The following NPVF variants were observed in gnomAD, a reference collection of about 807,000 sequenced individuals.
NPVF encodes pro-FMRFamide-related neuropeptide VF.
NPVF carries 17 observed loss-of-function variants against 15.7 expected under a neutral mutation model. That is an observed-to-expected ratio of 1.08 (90% CI 0.74 to 1.62). The LOEUF (loss-of-function observed/expected upper bound fraction) is 1.62, where lower values mean the gene tolerates loss of function less well. NPVF is among the 40% of genes most tolerant of loss of function. The pLI is 0.00. For synonymous variants in NPVF, 70 were observed against 80.1 expected, an observed-to-expected ratio of 0.87 and a Z score of 0.67; for missense variants, 270 against 225.2, an observed-to-expected ratio of 1.20 and a Z score of -1.27.
intron 2 of NPVF, 35 bp downstream of exon 2, chr7:25,226,591 T>A: frequency 1.3e-6 from 2 of 1,599,654 alleles, no homozygotes; most frequent in African/African-American, 1.3e-5. Flanking sequence ...TCTATATAAC[T>A]GCCCATGCAC....
At position 25,226,935 on chromosome 7, in the gene NPVF, G is replaced by T. The variant is rs369012619; in HGVS notation, c.230C>A (p.Ala77Glu). The stretch of plus-strand genomic sequence containing the variant: ...GAAGGAGTGTGGCATTTTATTGACT[G>T]CAGGTGTACTCATCTTAATAACATT... Reference protein sequence around the residue: ...PKNVIKMSTPAVNKMPHSFAN... With the variant: ...PKNVIKMSTPEVNKMPHSFAN... Residue 77 changes from alanine to glutamate, a missense_variant, in exon 2 of 3, where the codon GCA (alanine) becomes GAA (glutamate). Physicochemically the swap from Ala to Glu is moderately radical, Grantham distance 107 (BLOSUM62 -1). Coordinates refer to ENST00000222674, the MANE Select transcript of NPVF (RefSeq NM_022150.3). 5.0e-6 allele frequency: 8 copies of T among 1,612,274 alleles called. No individual in the cohort carries two copies. The highest frequency in any genetic ancestry group is 5.9e-6 in the Non-Finnish European group (7 of 1,179,544).
At position 25,226,970 on chromosome 7, in the gene NPVF, C is replaced by T; in HGVS notation, c.195G>A (p.Trp65Ter). ...TCATCTTAATAACATTTTTTGGTCC[C>T]CAATCTTTTAATTCCTCAAAATTGA... Reference protein sequence around the residue: ...RSLNFEELKDWGPKNVIKMST... With the variant: ...RSLNFEELKD Residue 65 changes from tryptophan to a stop codon, truncating the protein, a stop_gained, in exon 2 of 3, where the codon TGG becomes TGA. Transcript: ENST00000222674. LOFTEE classifies it high-confidence loss of function. 1 of 1,613,936 alleles carries T rather than the reference C, an allele frequency of 6.2e-7. No individual in the cohort carries two copies. The highest frequency in any genetic ancestry group is 8.5e-7 in the Non-Finnish European group (1 of 1,179,952).
intron 1 of NPVF, 114 bp from the exon 2 acceptor site, chr7:25,227,140 A>G: frequency 1.0e-6 from 1 of 974,010 alleles, no homozygotes; most frequent in Non-Finnish European, 1.5e-6. Context: ...AGCTATAAAC[A>G]AAGTTTGTGT....
chr7:25,224,984 T>C lies in NPVF; in HGVS notation c.*138A>G. ...TTTTACAACTTTCAAGATACTATTATAGCTGTACTGACAAGGAAAAATTGC... is the reference window on the plus strand; with the variant it reads ...TTTTACAACTTTCAAGATACTATTACAGCTGTACTGACAAGGAAAAATTGC... On this transcript the variant is annotated 3_prime_UTR_variant, in exon 3 of 3. Transcript: ENST00000222674. The C allele has an allele frequency of 1.5e-6, 1 of 646,400 alleles. No individual in the cohort carries two copies. Among genetic ancestry groups the C allele is most frequent in the Non-Finnish European group, 2.7e-6 (1 of 364,632 alleles). 40.0% of individuals were successfully genotyped at this position (646,400 alleles called of 1,614,324 possible). A position where few individuals can be genotyped will look rare whatever the true frequency, so the allele number is the denominator to read the frequency against.
rs1031602325 is a variant in NPVF at position 25,224,861 on chromosome 7, C to T, written c.*261G>A. 4.6e-6 allele frequency: 2 copies of T among 438,754 alleles called. No homozygotes were observed. The highest frequency in any genetic ancestry group is 4.1e-5 in the African/African-American group (2 of 48,574). The allele number at this position is 438,754 out of a possible 1,614,324, so 27.2% of individuals were successfully genotyped here. On this transcript the variant is annotated 3_prime_UTR_variant, in exon 3 of 3. Coordinates refer to ENST00000222674, the MANE Select transcript of NPVF (RefSeq NM_022150.3). ...GGGTAGTGAGGAGGGTCCTCTGTCT[C>T]TCTCTCCATTATCAGAGATTTCTAA...
Position 25,226,851 on chromosome 7 carries a change from G to T in NPVF, c.314C>A (p.Thr105Lys). Residue 105 changes from threonine to lysine, a missense_variant, in exon 2 of 3, where the codon ACA becomes AAA. By Grantham distance (78) the Thr-to-Lys change is moderately conservative. Coordinates refer to ENST00000222674, the MANE Select transcript of NPVF (RefSeq NM_022150.3). ...NVQEERSAGA[T>K]ANLPLRSGRN... ...TCCAGATCTCAGAGGCAGGTTGGCT[G>T]TTGCTCCAGCACTTCTTTCTTCTTG... is the stretch of plus-strand genomic sequence containing the variant. The T allele has an allele frequency of 6.2e-7, 1 of 1,614,206 alleles. No homozygotes were observed. Among genetic ancestry groups the T allele is most frequent in the Admixed American group, 1.7e-5 (1 of 60,028 alleles).
Position 25,224,857 on chromosome 7 carries a change from G to C in NPVF, c.*265C>G, listed in dbSNP as rs1173634320. ...TATAGGGTAGTGAGGAGGGTCCTCT[G>C]TCTCTCTCTCCATTATCAGAGATTT... On this transcript the variant is annotated 3_prime_UTR_variant, in exon 3 of 3. Transcript: ENST00000222674. 9.3e-6 allele frequency: 4 copies of C among 430,144 alleles called. No individual in the cohort carries two copies. The highest frequency in any genetic ancestry group is 1.2e-5 in the Non-Finnish European group (3 of 245,932). The allele number at this position is 430,144 out of a possible 1,614,324, so 26.6% of individuals were successfully genotyped here.
At chr7:25,225,213 AC>A in intron 2 of NPVF, 40 bp from the exon 3 acceptor site, 1 of 1,506,834 alleles carries the variant, frequency 6.6e-7, no homozygotes, top group Non-Finnish European at 9.2e-7. Flanking sequence ...ACCCATCAGA[AC>A]AACAGCATGC....
At position 25,228,014 on chromosome 7, in the gene NPVF, C is replaced by G. The variant is rs537251744; in HGVS notation, c.138+288G>C. Among the ~76,000 whole-genome samples, 280 of 152,214 alleles carry G rather than the reference C, an allele frequency of 1.8e-3. 1 individual carries two copies. The highest frequency in any genetic ancestry group is 3.4e-3 in the Middle Eastern group (1 of 294). ...AAATGTACCCAAATCTTATTTCTGC[C>G]AACCATTTATTACAAATATGCACTT... On this transcript the variant is annotated intron_variant, in intron 1 of 2. Coordinates refer to ENST00000222674, the MANE Select transcript of NPVF (RefSeq NM_022150.3).
In NPVF at chr7:25,225,074, C is replaced by A. The variant is rs199708914; in HGVS notation, c.*48G>T. ...CTTCCGTGTGGTCTTCGCTATAGAG[C>A]CATTTGTAGATTACAGGCCACAGCT... On this transcript the variant is annotated 3_prime_UTR_variant, in exon 3 of 3. Coordinates refer to ENST00000222674, the MANE Select transcript of NPVF (RefSeq NM_022150.3). The A allele has an allele frequency of 2.0e-5, 30 of 1,533,412 alleles. No individual in the cohort carries two copies. The highest frequency in any genetic ancestry group is 1.7e-4 in the Middle Eastern group (1 of 5,878). 95.0% of individuals were successfully genotyped at this position (1,533,412 alleles called of 1,614,324 possible).
intron 2 of NPVF, among the ~76,000 whole-genome samples, chr7:25,226,201 A>G (rs1783125765): frequency 6.6e-6 from 1 of 152,210 alleles, no homozygotes; most frequent in Non-Finnish European, 1.5e-5. Flanking sequence ...ATAAAAGAAA[A>G]CACTTTGATT....
In NPVF at chr7:25,226,728, T is replaced by C. The variant is rs1276788662; in HGVS notation, c.437A>G (p.Asp146Gly). 1 of 1,614,200 alleles carries C rather than the reference T, an allele frequency of 6.2e-7. No individual in the cohort carries two copies. ...TAKSVCRMLS[D>G]LCQGSMHSPC... ...TGAATGCATGGATCCTTGACACAAA[T>C]CACTCAGCATCCTGCAGACACTTTT... The change falls in exon 2 of 3, where the codon GAT (aspartate) becomes GGT (glycine). Residue 146 changes from aspartate (D) to glycine (G), a missense_variant. Coordinates refer to ENST00000222674, the MANE Select transcript of NPVF (RefSeq NM_022150.3).
intron 2 of NPVF, among the ~76,000 whole-genome samples, chr7:25,226,067 T>C (rs1244828743): frequency 6.6e-6 from 1 of 152,212 alleles, no homozygotes; most frequent in Admixed American, 6.5e-5. Flanking sequence ...CGCTCTCTAC[T>C]ATAAAAGAAC....
intron 2 of NPVF, among the ~76,000 whole-genome samples, 200 bp downstream of exon 2, chr7:25,226,426 C>T (rs1320708346): frequency 2.6e-5 from 4 of 152,128 alleles, no homozygotes; most frequent in Non-Finnish European, 5.9e-5. Flanking sequence ...TGATTTTATA[C>T]CTTGAGCCAT....
rs1246921030 is a variant in NPVF at position 25,228,414 on chromosome 7, A to G, written c.26T>C (p.Phe9Ser). MEIISSKL[F>S]ILLTLATSSL... ...TGAAGTGGCTAAAGTCAATAAAATG[A>G]ATAGTTTTGATGAAATAATTTCCAT... The change falls in exon 1 of 3, where the codon TTC becomes TCC. Residue 9 changes from phenylalanine to serine, a missense_variant. Coordinates refer to ENST00000222674, the MANE Select transcript of NPVF (RefSeq NM_022150.3). 14 of 1,588,712 alleles carry G rather than the reference A, an allele frequency of 8.8e-6. No individual in the cohort carries two copies. Among genetic ancestry groups the G allele is most frequent in the Non-Finnish European group, 1.2e-5 (14 of 1,158,774 alleles).
chr7:25,226,560 T>A, intron 2 of NPVF, 66 bp downstream of exon 2: 1 of 1,517,100 alleles, frequency 6.6e-7, no homozygotes, highest in Non-Finnish European at 8.9e-7. Context: ...ATGTAGTCAT[T>A]TTTAAAGTTT....
intron 2 of NPVF, 141 bp from the exon 3 acceptor site, chr7:25,225,314 G>A (rs1222341757): frequency 3.0e-6 from 2 of 663,340 alleles, no homozygotes; most frequent in African/African-American, 1.8e-5. Flanking sequence ...GAGATATTGG[G>A]GGGATGCTGA....
chr7:25,227,120 G>T lies in NPVF; in HGVS notation c.139-94C>A, dbSNP rs993895873. The T allele has an allele frequency of 1.3e-5, 15 of 1,112,092 alleles. No individual in the cohort carries two copies. In the Admixed American group the frequency reaches 3.5e-4, roughly 26 times the overall value. The allele number at this position is 1,112,092 out of a possible 1,614,324, so 68.9% of individuals were successfully genotyped here. ...ACTTAAATCTAGACTTTAATCTGCA[G>T]AATTGTTAAAGCTATAAACAAAGTT... On this transcript the variant is annotated intron_variant, in intron 1 of 2. Transcript: ENST00000222674.
At position 25,225,104 on chromosome 7, in the gene NPVF, G is replaced by A. The variant is rs1223437204; in HGVS notation, c.*18C>T. 1 of 1,610,734 alleles carries A rather than the reference G, an allele frequency of 6.2e-7. No individual in the cohort carries two copies. The highest frequency in any genetic ancestry group is 1.7e-5 in the Admixed American group (1 of 59,716). On this transcript the variant is annotated 3_prime_UTR_variant, in exon 3 of 3. Coordinates refer to ENST00000222674, the MANE Select transcript of NPVF (RefSeq NM_022150.3). Reference sequence around the variant, plus strand: ...TGTAGATTACAGGCCACAGCTTTAGGGACAGGCTCCAGGTTTCTTATTTTT... The same window carrying A: ...TGTAGATTACAGGCCACAGCTTTAGAGACAGGCTCCAGGTTTCTTATTTTT...
Sources: gnomAD v4.1 joint callset for allele counts (sites outside exome capture counted in the v4.1 genomes callset) on GRCh38, gnomAD v4.1.1 for gene constraint, MANE v1.5 for transcripts, NCBI Gene and HGNC (gene_info 2026-07-23, HGNC 2026-07-21) for gene names.